The following NWD2 variants were observed in gnomAD, a reference collection of about 807,000 sequenced individuals.
NWD2 encodes the protein NACHT and WD repeat domain-containing protein 2.
A neutral mutation model predicts 132.7 loss-of-function variants in NWD2; 37 were observed. The observed-to-expected ratio is 0.28, with a 90% confidence interval of 0.21 to 0.37. The LOEUF (loss-of-function observed/expected upper bound fraction) is 0.37, where lower values mean the gene tolerates loss of function less well. Among genes scored for constraint, NWD2 ranks in the 10% least tolerant of loss-of-function variants. The pLI is 1.00. For synonymous variants in NWD2, 705 were observed against 803.0 expected (o/e 0.88, Z 2.06); for missense variants, 1,592 against 2,122.4 (o/e 0.75, Z 4.91).
chr4:37,292,913 G>T (rs531158599), intron 1 of NWD2, among the ~76,000 whole-genome samples: 1 of 152,152 alleles, frequency 6.6e-6, no homozygotes, highest in African/African-American at 2.4e-5. Flanking sequence ...CTTGCCCACC[G>T]CTCACCTCCT....
At chr4:37,355,649 A>T (rs1455359792) in intron 2 of NWD2, among the ~76,000 whole-genome samples, 1 of 152,204 alleles carries the variant, frequency 6.6e-6, no homozygotes, top group Non-Finnish European at 1.5e-5. Flanking sequence ...GAAATCCATG[A>T]TGCTCTCCAT....
chr4:37,244,891 C>A lies in NWD2; in HGVS notation c.-177C>A. ...CCCGAGGGTCCGTATGGCTTCTCCTCGCCGGCGGGTGCTGTGCGCCACGGA... is the reference window on the plus strand; with the variant it reads ...CCCGAGGGTCCGTATGGCTTCTCCTAGCCGGCGGGTGCTGTGCGCCACGGA... On this transcript the variant is annotated 5_prime_UTR_variant, in exon 1 of 7. Transcript: ENST00000309447. The surrounding 1 kb of genome is among the most constrained non-coding windows in gnomAD (Gnocchi z 5.5). 1 of 736,890 alleles carries A rather than the reference C, an allele frequency of 1.4e-6. No individual in the cohort carries two copies. The highest frequency in any genetic ancestry group is 2.1e-6 in the Non-Finnish European group (1 of 477,132). The allele number at this position is 736,890 out of a possible 1,614,324, so 45.6% of individuals were successfully genotyped here.
intron 1 of NWD2, among the ~76,000 whole-genome samples, chr4:37,256,243 G>A (rs138114937): frequency 6.6e-6 from 1 of 152,342 alleles, no homozygotes; most frequent in African/African-American, 2.4e-5. Context: ...GAATGGAGCA[G>A]TGTAAACAAC....
chr4:37,404,696 C>T (rs1176223222), intron 3 of NWD2, among the ~76,000 whole-genome samples: 2 of 152,170 alleles, frequency 1.3e-5, no homozygotes, highest in Non-Finnish European at 2.9e-5. Context: ...TTAACTGGCT[C>T]GTGGTTCCAC....
Position 37,445,221 on chromosome 4 carries a change from G to A in NWD2, c.3233G>A (p.Ser1078Asn), listed in dbSNP as rs1483710884. The change falls in exon 7 of 7, where the codon AGC (serine) becomes AAC (asparagine). Residue 1078 changes from serine (S) to asparagine (N), a missense_variant. Around this residue, in one of 7 missense-constraint regions of NWD2, gnomAD observed 1,071 missense variants for 1,398.0 expected, o/e 0.77. Transcript: ENST00000309447. This position sits in a 1 kb window ranked among gnomAD's most constrained non-coding sequence, Gnocchi z 4.7. ...CACGCCCTTGCATGGCTCGAAGCCA[G>A]CAAAGATGTCACTGTCATCGATCTG... ...ANHALAWLEA[S>N]KDVTVIDLLY... 1.3e-6 allele frequency: 2 copies of A among 1,551,888 alleles called. No homozygotes were observed. The highest frequency in any genetic ancestry group is 1.2e-5 in the South Asian group (1 of 84,062).
At chr4:37,271,032 T>C (rs1208863782) in intron 1 of NWD2, among the ~76,000 whole-genome samples, 2 of 151,882 alleles carry the variant, frequency 1.3e-5, no homozygotes, top group African/African-American at 4.8e-5. Context: ...TTGACAGCTT[T>C]GTTGAAAATC....
At chr4:37,320,887 C>A (rs1051452563) in intron 1 of NWD2, among the ~76,000 whole-genome samples, 2 of 152,104 alleles carry the variant, frequency 1.3e-5, no homozygotes, top group Non-Finnish European at 2.9e-5. Context: ...GTTGGGTGCA[C>A]TGGCTTACAC....
intron 1 of NWD2, among the ~76,000 whole-genome samples, chr4:37,270,798 A>G (rs1227965799): frequency 6.6e-6 from 1 of 151,722 alleles, no homozygotes; most frequent in Non-Finnish European, 1.5e-5. Flanking sequence ...TTCAAAATGT[A>G]GTGGTTTTTA....
chr4:37,349,089 G>A (rs554016539), intron 2 of NWD2, among the ~76,000 whole-genome samples: 1 of 152,074 alleles, frequency 6.6e-6, no homozygotes, highest in East Asian at 1.9e-4. Context: ...TCACTGATGG[G>A]CATTCGGGTT....
chr4:37,389,264 CT>C (rs1474612729), intron 3 of NWD2, among the ~76,000 whole-genome samples: 6 of 152,218 alleles, frequency 3.9e-5, no homozygotes, highest in Non-Finnish European at 8.8e-5. Flanking sequence ...CCCCACAGTG[CT>C]GATAATTCTC....
At chr4:37,319,302 C>A (rs1301604474) in intron 1 of NWD2, among the ~76,000 whole-genome samples, 1 of 151,994 alleles carries the variant, frequency 6.6e-6, no homozygotes, top group Admixed American at 6.6e-5. Flanking sequence ...ATGTCTTTTG[C>A]CCATTTTTTA....
intron 1 of NWD2, among the ~76,000 whole-genome samples, chr4:37,270,478 G>A (rs1717845708): frequency 6.6e-6 from 1 of 151,592 alleles, no homozygotes; most frequent in Non-Finnish European, 1.5e-5. Flanking sequence ...TCTCATATCC[G>A]AAGATGGCCT....
chr4:37,361,398 G>T (rs1262350830), intron 3 of NWD2, among the ~76,000 whole-genome samples: 3 of 151,892 alleles, frequency 2.0e-5, no homozygotes, highest in Non-Finnish European at 4.4e-5. Flanking sequence ...AAAACTACAG[G>T]CAAATATTCC....
chr4:37,297,896 T>A (rs552195347), intron 1 of NWD2, among the ~76,000 whole-genome samples: 2 of 152,126 alleles, frequency 1.3e-5, no homozygotes, highest in Non-Finnish European at 2.9e-5. Flanking sequence ...AACACTTAGC[T>A]GAGAGGGTTT....
intron 1 of NWD2, among the ~76,000 whole-genome samples, chr4:37,316,419 CTTTTG>C (rs909744790): frequency 6.6e-6 from 1 of 151,654 alleles, no homozygotes; most frequent in African/African-American, 2.4e-5. Flanking sequence ...TTCTCTTTAT[CTTTTG>C]TTTTAACAGT....
At chr4:37,284,952 G>C (rs1295305700) in intron 1 of NWD2, among the ~76,000 whole-genome samples, 1 of 152,094 alleles carries the variant, frequency 6.6e-6, no homozygotes, top group Non-Finnish European at 1.5e-5. Flanking sequence ...CTCGGTATTT[G>C]TTTTACCCAT....
At chr4:37,431,002 AGTCAAAAG>A (rs1340033790) in intron 4 of NWD2, among the ~76,000 whole-genome samples, 3 of 152,184 alleles carry the variant, frequency 2.0e-5, no homozygotes, top group Non-Finnish European at 4.4e-5. Context: ...GCCATCAAAA[AGTCAAAAG>A]ATAATAGGAG....
chr4:37,293,771 G>A (rs1283162772), intron 1 of NWD2, among the ~76,000 whole-genome samples: 5 of 151,664 alleles, frequency 3.3e-5, no homozygotes, highest in Non-Finnish European at 7.4e-5. Flanking sequence ...GATTTAAAGT[G>A]TTTTCTTAAT....
At chr4:37,317,773 T>TG (rs1230656884) in intron 1 of NWD2, among the ~76,000 whole-genome samples, 3 of 152,228 alleles carry the variant, frequency 2.0e-5, no homozygotes, top group African/African-American at 7.2e-5. Context: ...GACAATGCCA[T>TG]ACTCCATCAA....
Sources: allele counts gnomAD v4.1 joint callset (sites outside exome capture counted in the v4.1 genomes callset), GRCh38; gene constraint gnomAD v4.1.1; regional missense constraint gnomAD v4.1.1; non-coding constraint Gnocchi (gnomAD v3.1); transcripts MANE v1.5; gene names NCBI Gene and HGNC (gene_info 2026-07-23, HGNC 2026-07-21).